The following OXSR1 variants were observed in gnomAD, a reference collection of about 807,000 sequenced individuals.
OXSR1 encodes serine/threonine-protein kinase OSR1.
A neutral mutation model predicts 79.8 loss-of-function variants in OXSR1; 24 were observed. That is an observed-to-expected ratio of 0.30 (90% CI 0.22 to 0.42). The LOEUF (loss-of-function observed/expected upper bound fraction) is 0.42. OXSR1 is among the 10% of genes least tolerant of loss of function. The probability of loss-of-function intolerance (pLI) is 1.00; values close to 1 mark genes in which losing one functional copy is unlikely to be tolerated. For missense variants in OXSR1, 430 were observed against 618.4 expected, an observed-to-expected ratio of 0.70 and a Z score of 3.23; for synonymous variants, 226 against 209.2, an observed-to-expected ratio of 1.08 and a Z score of -0.69.
chr3:38,252,007 A>G (rs1211845964), intron 16 of OXSR1, among the ~76,000 whole-genome samples: 2 of 152,222 alleles, frequency 1.3e-5, no homozygotes, highest in African/African-American at 4.8e-5. Context: ...GAGAACAAAA[A>G]CAGACCACAG....
intron 11 of OXSR1, among the ~76,000 whole-genome samples, chr3:38,237,163 CCCAAATCTA>C (rs149469183): frequency 0.04 from 6,051 of 152,146 alleles, 163 homozygotes; most frequent in Middle Eastern, 0.13. Context: ...ATAAAAATGA[CCCAAATCTA>C]CCAAATCTAG....
In OXSR1 at chr3:38,165,723, C is replaced by T. The variant is rs542538975; in HGVS notation, c.-154C>T. Reference sequence around the variant, plus strand: ...CCGCTGCTCTGCCGCGCGGTGACCCCGCGCCCCGGCGCCGTCCGACCCGTG... The same window carrying T: ...CCGCTGCTCTGCCGCGCGGTGACCCTGCGCCCCGGCGCCGTCCGACCCGTG... On this transcript the variant is annotated 5_prime_UTR_variant, in exon 1 of 18. Coordinates refer to ENST00000311806, the MANE Select transcript of OXSR1 (RefSeq NM_005109.3). 4.8e-6 allele frequency: 3 copies of T among 629,766 alleles called. No homozygotes were observed. The highest frequency in any genetic ancestry group is 3.9e-5 in the African/African-American group (2 of 51,102). 39.0% of individuals were successfully genotyped at this position (629,766 alleles called of 1,614,324 possible). A position where few individuals can be genotyped will look rare whatever the true frequency, so the allele number is the denominator to read the frequency against.
At chr3:38,223,212 T>C (rs773470157) in intron 6 of OXSR1, among the ~76,000 whole-genome samples, 1 of 152,140 alleles carries the variant, frequency 6.6e-6, no homozygotes, top group Non-Finnish European at 1.5e-5. Context: ...CATGGCTTAC[T>C]GCAGCCTTGA....
chr3:38,215,391 T>C (rs1292613350), intron 4 of OXSR1, among the ~76,000 whole-genome samples: 1 of 152,212 alleles, frequency 6.6e-6, no homozygotes, highest in Admixed American at 6.5e-5. Flanking sequence ...ATGGTTTTGC[T>C]ACTCTTAGGA....
intron 1 of OXSR1, among the ~76,000 whole-genome samples, chr3:38,177,467 A>G (rs1384241720): frequency 1.3e-5 from 2 of 152,228 alleles, no homozygotes; most frequent in Non-Finnish European, 2.9e-5. Context: ...TTATCAAGTA[A>G]TAAGTTAATG....
At position 38,165,612 on chromosome 3, in the gene OXSR1, C is replaced by T. The variant is rs1701427606; in HGVS notation, c.-265C>T. 4.4e-6 allele frequency: 2 copies of T among 454,850 alleles called. No individual in the cohort carries two copies. The highest frequency in any genetic ancestry group is 7.6e-5 in the East Asian group (2 of 26,246). The allele number at this position is 454,850 out of a possible 1,614,324, so 28.2% of individuals were successfully genotyped here. Reference sequence around the variant, plus strand: ...GGCAAAGCTTCTGTCGCTGCTGCTGCGGAGGCCGAGGACAGGACGTGGGCT... The same window carrying T: ...GGCAAAGCTTCTGTCGCTGCTGCTGTGGAGGCCGAGGACAGGACGTGGGCT... On this transcript the variant is annotated 5_prime_UTR_variant, in exon 1 of 18. Coordinates refer to ENST00000311806, the MANE Select transcript of OXSR1 (RefSeq NM_005109.3).
In OXSR1 at chr3:38,223,919, G is replaced by A. The variant is rs1392854668; in HGVS notation, c.702+6G>A. On this transcript the variant is annotated splice_donor_region_variant and intron_variant, in intron 7 of 17. Coordinates refer to ENST00000311806, the MANE Select transcript of OXSR1 (RefSeq NM_005109.3). ...ATAAATATCCACCAATGAAGGTGAG[G>A]CTTGTATTCCAAATACTACCCCAGC... is the stretch of plus-strand genomic sequence containing the variant. The A allele has an allele frequency of 2.6e-6, 4 of 1,558,812 alleles. No individual in the cohort carries two copies. In the South Asian group the frequency reaches 4.5e-5, roughly 18 times the overall value.
intron 11 of OXSR1, among the ~76,000 whole-genome samples, chr3:38,242,040 A>T (rs1296067242): frequency 6.6e-6 from 1 of 152,172 alleles, no homozygotes; most frequent in Non-Finnish European, 1.5e-5. Context: ...ATCCAGAATT[A>T]CTGCTAACTT....
intron 8 of OXSR1, among the ~76,000 whole-genome samples, chr3:38,227,749 C>G (rs1377474157): frequency 6.6e-6 from 1 of 152,076 alleles, no homozygotes; most frequent in African/African-American, 2.4e-5. Context: ...CAGTGTCCCC[C>G]TTCTTCCACT....
At chr3:38,251,523 T>A in intron 16 of OXSR1, 52 bp downstream of exon 16, 1 of 1,400,700 alleles carries the variant, frequency 7.1e-7, no homozygotes. Context: ...TCTGTATACT[T>A]AGTACATAGA....
intron 8 of OXSR1, among the ~76,000 whole-genome samples, chr3:38,227,424 A>G (rs1394193634): frequency 1.3e-5 from 2 of 152,162 alleles, no homozygotes; most frequent in Non-Finnish European, 2.9e-5. Context: ...TAATCAGACT[A>G]CACTATACTG....
chr3:38,236,909 A>G lies in OXSR1; in HGVS notation c.1022A>G (p.Asp341Gly). 6.2e-7 allele frequency: 1 copy of G among 1,612,806 alleles called. No individual in the cohort carries two copies. Among genetic ancestry groups the G allele is most frequent in the South Asian group, 1.1e-5 (1 of 90,952 alleles). Residue 341 changes from aspartate to glycine, a missense_variant, in exon 11 of 18, where the codon GAT becomes GGT. Physicochemically the swap from Asp to Gly is moderately conservative, Grantham distance 94. This residue lies in a region of OXSR1 where 276 missense variants were observed against 354.2 expected (regional missense o/e 0.78). Transcript: ENST00000311806. ...TEDGGWEWSD[D>G]EFDEESEEGK... ...GATGGAGGCTGGGAGTGGAGTGATG[A>G]TGAATTTGATGAAGAAAGTGAGGAA... is the stretch of plus-strand genomic sequence containing the variant.
At chr3:38,193,440 T>C (rs990612093) in intron 3 of OXSR1, 12 of 1,245,832 alleles carry the variant, frequency 9.6e-6, no homozygotes, top group South Asian at 2.5e-5. Context: ...TCTTTCGTTA[T>C]TGATCACCTA....
At chr3:38,190,449 T>C (rs974830977) in intron 2 of OXSR1, among the ~76,000 whole-genome samples, 24 of 152,176 alleles carry the variant, frequency 1.6e-4, no homozygotes, top group Non-Finnish European at 2.9e-4. Context: ...CAAAAATATA[T>C]GTCCCAAAGG....
intron 4 of OXSR1, among the ~76,000 whole-genome samples, chr3:38,203,476 T>G (rs1342042447): frequency 6.6e-6 from 1 of 152,168 alleles, no homozygotes; most frequent in Non-Finnish European, 1.5e-5. Flanking sequence ...GAACACCCGC[T>G]AAGCCCCATA....
chr3:38,214,884 A>G (rs1390889017), intron 4 of OXSR1, among the ~76,000 whole-genome samples: 1 of 152,234 alleles, frequency 6.6e-6, no homozygotes, highest in Non-Finnish European at 1.5e-5. Context: ...AAAGGGGACC[A>G]GGGATAGGAT....
chr3:38,229,864 G>A (rs1339450788), intron 9 of OXSR1, 129 bp downstream of exon 9: 6 of 746,354 alleles, frequency 8.0e-6, no homozygotes, highest in Non-Finnish European at 1.2e-5. Flanking sequence ...ATTGCAGAAA[G>A]CACTATGTAT....
chr3:38,216,091 TAAAG>T lies in OXSR1; in HGVS notation c.435-3_435del. 1 of 1,535,550 alleles carries T rather than the reference TAAAG, an allele frequency of 6.5e-7. No homozygotes were observed. The highest frequency in any genetic ancestry group is 1.4e-5 in the African/African-American group (1 of 72,080). On this transcript the variant is annotated splice_acceptor_variant and splice_polypyrimidine_tract_variant and intron_variant, in intron 4 of 17. Transcript: ENST00000311806. LOFTEE classifies it high-confidence loss of function. ...TGATACATAACTTTTTTTTTTTTTT[TAAAG>T]AGATGTGAAAGCTGGAAACATTCTT...
intron 10 of OXSR1, among the ~76,000 whole-genome samples, chr3:38,231,063 T>G (rs1352227861): frequency 6.6e-6 from 1 of 152,178 alleles, no homozygotes; most frequent in African/African-American, 2.4e-5. Flanking sequence ...GGTAAAGGTC[T>G]TACACCTTGT....
Sources: gnomAD v4.1 joint callset for allele counts (sites outside exome capture counted in the v4.1 genomes callset) on GRCh38, gnomAD v4.1.1 for gene constraint, gnomAD v4.1.1 regional missense constraint, MANE v1.5 for transcripts, NCBI Gene and HGNC (gene_info 2026-07-23, HGNC 2026-07-21) for gene names.